AMDHD1: variants seen among roughly 807,000 people sequenced by gnomAD.
The protein encoded by AMDHD1 is amidohydrolase domain containing 1.
A neutral mutation model predicts 44.1 loss-of-function variants in AMDHD1; 45 were observed. The ratio of observed to expected loss-of-function variants is 1.02; its 90% CI spans 0.80 to 1.31. The LOEUF (loss-of-function observed/expected upper bound fraction) is 1.31, where lower values mean the gene tolerates loss of function less well. AMDHD1 is among the 50% of genes most tolerant of loss of function. The pLI, the probability that AMDHD1 is intolerant of heterozygous loss-of-function variation, is 0.00. For synonymous variants in AMDHD1, 206 were observed against 205.0 expected (o/e 1.00, Z -0.04); for missense variants, 586 against 552.1 (o/e 1.06, Z -0.61).
At chr12:95,961,862 C>T (rs1592825953) in intron 5 of AMDHD1, among the ~76,000 whole-genome samples, 1 of 152,338 alleles carries the variant, frequency 6.6e-6, no homozygotes, top group South Asian at 2.1e-4. Context: ...AGCCCACTAG[C>T]TAATTTTCAA....
chr12:95,948,291 G>A (rs2080509523), intron 1 of AMDHD1, among the ~76,000 whole-genome samples: 3 of 113,282 alleles, frequency 2.6e-5, no homozygotes, highest in South Asian at 3.1e-4. Context: ...CCGGCCAGCC[G>A]CCTCGTCCGG....
chr12:95,951,451 T>C (rs2080525527), intron 1 of AMDHD1, among the ~76,000 whole-genome samples: 1 of 152,220 alleles, frequency 6.6e-6, no homozygotes, highest in African/African-American at 2.4e-5. Context: ...TAGTACTCCA[T>C]TGTGTGTATG....
At chr12:95,962,822 C>G (rs1309517041) in intron 6 of AMDHD1, among the ~76,000 whole-genome samples, 1 of 151,958 alleles carries the variant, frequency 6.6e-6, no homozygotes, top group Non-Finnish European at 1.5e-5. Flanking sequence ...AGGTGCTATA[C>G]TTTTAAATAT....
In AMDHD1 at chr12:95,966,460, C is replaced by T. The variant is rs745740133; in HGVS notation, c.1145C>T (p.Ser382Leu). 2 of 1,614,216 alleles carry T rather than the reference C, an allele frequency of 1.2e-6. No homozygotes were observed. The highest frequency in any genetic ancestry group is 1.3e-5 in the African/African-American group (1 of 75,058). ...CTGGGAAAGTCTCACACACACGGAT[C>T]GTTGGAAGTTGGCAAACAGGGAGAT... ...YALGKSHTHG[S>L]LEVGKQGDLI... Residue 382 changes from serine (S) to leucine (L), a missense_variant, in exon 8 of 9, where the codon TCG (serine) becomes TTG (leucine). Physicochemically the swap from Ser to Leu is moderately radical, Grantham distance 145. Coordinates refer to ENST00000266736, the MANE Select transcript of AMDHD1 (RefSeq NM_152435.3).
chr12:95,943,351 G>A lies in AMDHD1; in HGVS notation c.-48G>A. 2 of 1,196,112 alleles carry A rather than the reference G, an allele frequency of 1.7e-6. No individual in the cohort carries two copies. The highest frequency in any genetic ancestry group is 2.1e-6 in the Non-Finnish European group (2 of 948,148). 74.1% of individuals were successfully genotyped at this position (1,196,112 alleles called of 1,614,324 possible). Reference sequence around the variant, plus strand: ...TTTTCGTCCTCCACTGAGTCCTGCCGGTGGCCCGAGCCCGGTGGCCTCCCG... The same window carrying A: ...TTTTCGTCCTCCACTGAGTCCTGCCAGTGGCCCGAGCCCGGTGGCCTCCCG... On this transcript the variant is annotated 5_prime_UTR_variant, in exon 1 of 9. Coordinates refer to ENST00000266736, the MANE Select transcript of AMDHD1 (RefSeq NM_152435.3).
chr12:95,949,202 A>C (rs2080515927), intron 1 of AMDHD1, among the ~76,000 whole-genome samples: 1 of 151,160 alleles, frequency 6.6e-6, no homozygotes, highest in African/African-American at 2.4e-5. Context: ...GGGGTGCCTG[A>C]ACCAATGGGA....
At chr12:95,947,994 G>T (rs2080506719) in intron 1 of AMDHD1, among the ~76,000 whole-genome samples, 1 of 132,616 alleles carries the variant, frequency 7.5e-6, no homozygotes, top group Non-Finnish European at 1.6e-5. Flanking sequence ...AGGTGGGGGG[G>T]TCAGCCCCCC....
At position 95,950,611 on chromosome 12, in the gene AMDHD1, T is replaced by C. The variant is rs536063104; in HGVS notation, c.138-2106T>C. 3.3e-5 allele frequency among the ~76,000 whole-genome samples: 5 copies of C among 152,354 alleles called. No homozygotes were observed. The East Asian group carries it at 7.7e-4, about 23-fold the overall frequency. The stretch of plus-strand genomic sequence containing the variant: ...ATGCAGGGCTAGTTGATTGCAATAC[T>C]CCATGGGGTCCTTAGGAGCCAGGCC... On this transcript the variant is annotated intron_variant, in intron 1 of 8. Coordinates refer to ENST00000266736, the MANE Select transcript of AMDHD1 (RefSeq NM_152435.3).
rs1361668561 is a variant in AMDHD1, at chr12:95,943,455, C to T, written c.57C>T (p.Cys19=). Residue 19 remains cysteine, a synonymous_variant, in exon 1 of 9, where the codon TGC becomes TGT. Transcript: ENST00000266736. ...LENAQQVVLV[C]ARGERFLARD... is the part of the protein sequence containing the mutation. Reference sequence around the variant, plus strand: ...ACGCGCAGCAAGTGGTGCTGGTGTGCGCCCGCGGCGAGCGCTTCCTGGCGC... The same window carrying T: ...ACGCGCAGCAAGTGGTGCTGGTGTGTGCCCGCGGCGAGCGCTTCCTGGCGC... The T allele has an allele frequency of 1.3e-6, 2 of 1,503,750 alleles. No homozygotes were observed. The highest frequency in any genetic ancestry group is 1.8e-6 in the Non-Finnish European group (2 of 1,131,288). 93.2% of individuals were successfully genotyped at this position (1,503,750 alleles called of 1,614,324 possible).
intron 1 of AMDHD1, among the ~76,000 whole-genome samples, chr12:95,944,493 T>C (rs1246938293): frequency 6.6e-6 from 1 of 151,828 alleles, no homozygotes; most frequent in Non-Finnish European, 1.5e-5. Flanking sequence ...CAGGCTCAAC[T>C]GCGATCTCCA....
At chr12:95,956,651 C>A (rs1489504204) in intron 3 of AMDHD1, 34 bp from the exon 4 acceptor site, 1 of 1,604,382 alleles carries the variant, frequency 6.2e-7, no homozygotes, top group Admixed American at 1.7e-5. Context: ...AACTTCCTGG[C>A]ATGTGCTGGC....
intron 4 of AMDHD1, among the ~76,000 whole-genome samples, 168 bp from the exon 5 acceptor site, chr12:95,960,230 C>T (rs1458359829): frequency 3.3e-5 from 5 of 152,172 alleles, no homozygotes; most frequent in Non-Finnish European, 5.9e-5. Flanking sequence ...GTAGACATGG[C>T]CCAATAGTTA....
rs370602154 is a variant in AMDHD1 at position 95,956,886 on chromosome 12, C to T, written c.511C>T (p.Arg171Cys). 8 of 1,613,858 alleles carry T rather than the reference C, an allele frequency of 5.0e-6. No homozygotes were observed. The highest frequency in any genetic ancestry group is 2.7e-5 in the African/African-American group (2 of 74,946). ...CCTGGAGACCGAGCTCAAGATGCTG[C>T]GCGTGATTGAGCGCGCCCGGCGGGA... ...LDLETELKML[R>C]VIERARRELD... Residue 171 changes from arginine (R) to cysteine (C), a missense_variant, in exon 4 of 9, where the codon CGC (arginine) becomes TGC (cysteine). Transcript: ENST00000266736.
At chr12:95,965,630 G>A (rs751547639) in intron 6 of AMDHD1, 56 bp from the exon 7 acceptor site, 253 of 1,185,112 alleles carry the variant, frequency 2.1e-4, no homozygotes, top group African/African-American at 1.7e-3. Flanking sequence ...GTTCTGAACA[G>A]CTATTCTACA....
chr12:95,944,917 T>C (rs2080487133), intron 1 of AMDHD1, among the ~76,000 whole-genome samples: 1 of 152,108 alleles, frequency 6.6e-6, no homozygotes, highest in African/African-American at 2.4e-5. Context: ...GTGGATCACC[T>C]GAGGTTGGGA....
At chr12:95,943,670 G>A in intron 1 of AMDHD1, 135 bp downstream of exon 1, 2 of 1,249,190 alleles carry the variant, frequency 1.6e-6, no homozygotes, top group South Asian at 3.9e-5. Flanking sequence ...CCAGCCTTTG[G>A]GGTACCTGTT....
Position 95,956,877 on chromosome 12 carries a change from A to G in AMDHD1, c.502A>G (p.Lys168Glu), listed in dbSNP as rs756861809. 5 of 1,613,948 alleles carry G rather than the reference A, an allele frequency of 3.1e-6. No homozygotes were observed. Among genetic ancestry groups the G allele is most frequent in the African/African-American group, 2.7e-5 (2 of 74,944 alleles). ...GYGLDLETEL[K>E]MLRVIERARR... ...TGGCCTCGACCTGGAGACCGAGCTC[A>G]AGATGCTGCGCGTGATTGAGCGCGC... is the stretch of plus-strand genomic sequence containing the variant. The change falls in exon 4 of 9, where the codon AAG becomes GAG. Residue 168 changes from lysine to glutamate, a missense_variant. Transcript: ENST00000266736.
chr12:95,960,670 C>T (rs373341997), intron 5 of AMDHD1, 47 bp downstream of exon 5: 3 of 1,557,480 alleles, frequency 1.9e-6, no homozygotes, highest in African/African-American at 2.7e-5. Context: ...CATTCTTGCA[C>T]ATTCATGCTA....
chr12:95,965,698 T>C lies in AMDHD1; in HGVS notation c.951T>C (p.Pro317=). The C allele has an allele frequency of 6.2e-7, 1 of 1,612,482 alleles. No individual in the cohort carries two copies. Among genetic ancestry groups the C allele is most frequent in the Non-Finnish European group, 8.5e-7 (1 of 1,179,550 alleles). The change falls in exon 7 of 9, where the codon CCT becomes CCC. Residue 317 remains proline (P), a synonymous_variant. Coordinates refer to ENST00000266736, the MANE Select transcript of AMDHD1 (RefSeq NM_152435.3). ...TTAYMLRLKQ[P]RARKMLDEGV... is the part of the protein sequence containing the mutation. ...TTCCTCCCCTTAGACTGAAACAACC[T>C]CGAGCCAGGAAGATGTTAGATGAAG...
Sources: allele counts gnomAD v4.1 joint callset (sites outside exome capture counted in the v4.1 genomes callset), GRCh38; gene constraint gnomAD v4.1.1; transcripts MANE v1.5; gene names NCBI Gene and HGNC (gene_info 2026-07-23, HGNC 2026-07-21).